GIPC1: variants seen among roughly 807,000 people sequenced by gnomAD.
The protein encoded by GIPC1 is PDZ domain-containing protein GIPC1.
A neutral mutation model predicts 28.5 loss-of-function variants in GIPC1; 15 were observed. The observed-to-expected ratio is 0.53, with a 90% CI of 0.35 to 0.81. GIPC1 has a LOEUF of 0.81. Among genes scored for constraint, GIPC1 ranks in the 30% least tolerant of loss-of-function variants. The pLI is 0.01. For synonymous variants in GIPC1, 224 were observed against 206.1 expected, an observed-to-expected ratio of 1.09 and a Z score of -0.74; for missense variants, 439 against 481.9, an observed-to-expected ratio of 0.91 and a Z score of 0.83.
At chr19:14,482,660 A>T in intron 4 of GIPC1, 29 bp downstream of exon 4, 1 of 1,607,302 alleles carries the variant, frequency 6.2e-7, no homozygotes. Flanking sequence ...ACCATCAGGG[A>T]CCCTGGTGCC....
Position 14,480,489 on chromosome 19 carries a change from C to T in GIPC1, c.475-4G>A, listed in dbSNP as rs762199244. 9 of 1,608,802 alleles carry T rather than the reference C, an allele frequency of 5.6e-6. No individual in the cohort carries two copies. Among genetic ancestry groups the T allele is most frequent in the East Asian group, 4.5e-5 (2 of 44,760 alleles). On this transcript the variant is annotated splice_polypyrimidine_tract_variant and splice_region_variant and intron_variant, in intron 5 of 8. Coordinates refer to ENST00000393033, the MANE Select transcript of GIPC1 (RefSeq NM_005716.4). ...TCACGCTGCCCTCCTTGATGCGCTG[C>T]GGGGGCGGGGAGTCATCAGCCCTTG... is the stretch of plus-strand genomic sequence containing the variant.
Position 14,478,648 on chromosome 19 carries a change from C to A in GIPC1, c.850+36G>T, listed in dbSNP as rs374754736. 2 of 1,611,510 alleles carry A rather than the reference C, an allele frequency of 1.2e-6. No homozygotes were observed. Among genetic ancestry groups the A allele is most frequent in the African/African-American group, 2.7e-5 (2 of 74,834 alleles). On this transcript the variant is annotated intron_variant, in intron 8 of 8. Coordinates refer to ENST00000393033, the MANE Select transcript of GIPC1 (RefSeq NM_005716.4). This position sits in a 1 kb window ranked among gnomAD's most constrained non-coding sequence, Gnocchi z 5.2. ...CAGGGTGGATTCGGCCCCCAGCAGA[C>A]CTAGATGCCCCCTCCCCCAGGCAGC...
chr19:14,494,383 C>T (rs56066944), intron 1 of GIPC1, among the ~76,000 whole-genome samples: 39,214 of 68,146 alleles, frequency 0.58, 5,310 homozygotes, highest in South Asian at 0.62. Flanking sequence ...TGAGCCACCG[C>T]GCCCGGGCCC....
Position 14,479,543 on chromosome 19 carries a change from GA to G in GIPC1, c.656-20del. 7.6e-7 allele frequency: 1 copy of G among 1,313,400 alleles called. No homozygotes were observed. The highest frequency in any genetic ancestry group is 1.6e-5 in the African/African-American group (1 of 63,778). 81.4% of individuals were successfully genotyped at this position (1,313,400 alleles called of 1,614,324 possible). ...ATCATGTCTGTGGGAGGCAGGAGAG[GA>G]GTGAGTGTGGGGGAAGCTTGGTTTT... On this transcript the variant is annotated intron_variant, in intron 6 of 8. Transcript: ENST00000393033.
In GIPC1 at chr19:14,493,927, C is replaced by T. The variant is rs570679189; in HGVS notation, c.-174-1015G>A. 5.5e-4 allele frequency among the ~76,000 whole-genome samples: 83 copies of T among 151,568 alleles called. 1 individual carries two copies. Among genetic ancestry groups the T allele is most frequent in the South Asian group, 4.2e-3 (20 of 4,804 alleles). ...CTGCCTGCCTCGGCCTCCCAAAGTGCTGGGATTACAGGCATAAGCCACCAC... is the reference window on the plus strand; with the variant it reads ...CTGCCTGCCTCGGCCTCCCAAAGTGTTGGGATTACAGGCATAAGCCACCAC... On this transcript the variant is annotated intron_variant, in intron 1 of 8. Transcript: ENST00000393033.
chr19:14,479,664 T>G, intron 6 of GIPC1, 140 bp from the exon 7 acceptor site: 1 of 472,458 alleles, frequency 2.1e-6, no homozygotes, highest in Non-Finnish European at 3.7e-6. Context: ...GGGGCCGGGG[T>G]GATCCCAGGA....
intron 3 of GIPC1, among the ~76,000 whole-genome samples, chr19:14,491,036 A>G (rs12463167): frequency 0.5 from 73,788 of 147,922 alleles, 18,394 homozygotes; most frequent in South Asian, 0.68. Context: ...GGGTGCAGGG[A>G]CGGTGGCTCC....
At chr19:14,481,734 A>AAG (rs2071734383) in intron 4 of GIPC1, 2 of 152,394 alleles carry the variant, frequency 1.3e-5, no homozygotes, top group African/African-American at 4.8e-5. Flanking sequence ...AAAAAAAAAA[A>AAG]AAAAAAAAAA....
At chr19:14,483,088 A>G (rs1039709947) in intron 3 of GIPC1, 82 bp from the exon 4 acceptor site, 2 of 899,204 alleles carry the variant, frequency 2.2e-6, no homozygotes, top group Admixed American at 2.7e-5. Flanking sequence ...TACAGGCCCA[A>G]GGAAATACTC....
intron 1 of GIPC1, among the ~76,000 whole-genome samples, chr19:14,493,722 C>T (rs1255767314): frequency 6.6e-6 from 1 of 152,114 alleles, no homozygotes; most frequent in African/African-American, 2.4e-5. Flanking sequence ...TGCAATGGCG[C>T]GATCTTGGCT....
Position 14,480,787 on chromosome 19 carries a change from G to A in GIPC1, c.289-9C>T. ...AGGGTGCAGAACATCACCTGCAGGG[G>A]TGGGAGACGCTGAAACCTCTTCCCC... On this transcript the variant is annotated splice_polypyrimidine_tract_variant and intron_variant, in intron 4 of 8. Transcript: ENST00000393033. 7 of 1,599,716 alleles carry A rather than the reference G, an allele frequency of 4.4e-6. No homozygotes were observed. Among genetic ancestry groups the A allele is most frequent in the Non-Finnish European group, 6.0e-6 (7 of 1,169,164 alleles).
At chr19:14,485,700 TATAGAGAGAGAGAGAGAGAGAG>T (rs1357955407) in intron 3 of GIPC1, among the ~76,000 whole-genome samples, 9 of 68,818 alleles carry the variant, frequency 1.3e-4, no homozygotes, top group Admixed American at 2.7e-4. Context: ...TATATATATA[TATAGAGAGAGAGAGAGAGAGAG>T]AGAGAGAGAG....
intron 3 of GIPC1, chr19:14,483,231 G>T (rs983008554): frequency 2.2e-6 from 1 of 455,436 alleles, no homozygotes; most frequent in Admixed American, 4.0e-5. Context: ...TGAGGTGGGC[G>T]GATCACTTGA....
At position 14,480,467 on chromosome 19, in the gene GIPC1, C is replaced by T. The variant is rs770798476; in HGVS notation, c.493G>A (p.Val165Met). 3.7e-6 allele frequency: 6 copies of T among 1,612,322 alleles called. No individual in the cohort carries two copies. The highest frequency in any genetic ancestry group is 4.5e-5 in the East Asian group (2 of 44,824). The change falls in exon 6 of 9, where the codon GTG becomes ATG. Residue 165 changes from valine (V) to methionine (M), a missense_variant. By Grantham distance (21) the Val-to-Met change is conservative (BLOSUM62 1). Coordinates refer to ENST00000393033, the MANE Select transcript of GIPC1 (RefSeq NM_005716.4). Reference sequence around the variant, plus strand: ...CTGATGAGGTGGATGTGGTCGATCACGCTGCCCTCCTTGATGCGCTGCGGG... The same window carrying T: ...CTGATGAGGTGGATGTGGTCGATCATGCTGCCCTCCTTGATGCGCTGCGGG... ...AFIKRIKEGSVIDHIHLISVG... is the reference protein window; with the variant it reads ...AFIKRIKEGSMIDHIHLISVG...
At chr19:14,480,078 A>G in intron 6 of GIPC1, 1 of 593,770 alleles carries the variant, frequency 1.7e-6, no homozygotes, top group Middle Eastern at 4.5e-4. Flanking sequence ...TGGCCCCTGG[A>G]AGCTAGGTGT....
At position 14,478,898 on chromosome 19, in the gene GIPC1, G is replaced by C; in HGVS notation, c.769-133C>G. The C allele has an allele frequency of 1.3e-6, 1 of 742,984 alleles. No homozygotes were observed. The highest frequency in any genetic ancestry group is 2.4e-6 in the Non-Finnish European group (1 of 418,786). The allele number at this position is 742,984 out of a possible 1,614,324, so 46.0% of individuals were successfully genotyped here. On this transcript the variant is annotated intron_variant, in intron 7 of 8. Coordinates refer to ENST00000393033, the MANE Select transcript of GIPC1 (RefSeq NM_005716.4). This position sits in a 1 kb window ranked among gnomAD's most constrained non-coding sequence, Gnocchi z 5.2. ...AGGACAACCCTGAGAAGGTGGTATC[G>C]GTGTTCAGCTCATCCCCATTTTACT...
intron 3 of GIPC1, among the ~76,000 whole-genome samples, chr19:14,486,194 C>A (rs2071840020): frequency 6.6e-6 from 1 of 152,144 alleles, no homozygotes; most frequent in Admixed American, 6.6e-5. Context: ...CCTTCCTTAA[C>A]CCTCACACCA....
At chr19:14,487,165 G>A (rs531004436) in intron 3 of GIPC1, among the ~76,000 whole-genome samples, 3 of 151,960 alleles carry the variant, frequency 2.0e-5, no homozygotes, top group Non-Finnish European at 2.9e-5. Flanking sequence ...TGCCTGCCAA[G>A]CTATATTTCT....
chr19:14,486,311 C>T (rs962945279), intron 3 of GIPC1, among the ~76,000 whole-genome samples: 2 of 152,240 alleles, frequency 1.3e-5, no homozygotes, highest in African/African-American at 4.8e-5. Flanking sequence ...GCCACAGTCA[C>T]TAACACTGTG....
Sources: allele counts gnomAD v4.1 joint callset (sites outside exome capture counted in the v4.1 genomes callset), GRCh38; gene constraint gnomAD v4.1.1; non-coding constraint Gnocchi (gnomAD v3.1); transcripts MANE v1.5; gene names NCBI Gene and HGNC (gene_info 2026-07-23, HGNC 2026-07-21).